Variants in PEBP4 observed in about 807,000 individuals in gnomAD.
PEBP4 encodes phosphatidylethanolamine-binding protein 4.
A neutral mutation model predicts 23.9 loss-of-function variants in PEBP4; 22 were observed. The observed-to-expected ratio is 0.92, with a 90% CI of 0.66 to 1.31. The LOEUF is 1.31. Ranked by LOEUF, PEBP4 falls within the 40% of genes most tolerant of loss-of-function variation. The probability of loss-of-function intolerance (pLI) is 0.00; values close to 1 mark genes in which losing one functional copy is unlikely to be tolerated. For missense variants in PEBP4, 324 were observed against 281.7 expected (o/e 1.15, Z -1.07); for synonymous variants, 112 against 99.3 (o/e 1.13, Z -0.76).
At chr8:22,901,663 C>T (rs925564138) in intron 3 of PEBP4, among the ~76,000 whole-genome samples, 2 of 152,164 alleles carry the variant, frequency 1.3e-5, no homozygotes, top group Admixed American at 6.5e-5. Context: ...CAAAGGATCC[C>T]GGGCTGGGGG....
At chr8:22,799,314 C>A (rs1219706282) in intron 4 of PEBP4, among the ~76,000 whole-genome samples, 1 of 152,180 alleles carries the variant, frequency 6.6e-6, no homozygotes, top group Non-Finnish European at 1.5e-5. Context: ...GAGTTTGGGG[C>A]TTAAACCAGT....
At chr8:22,852,057 T>C (rs781036930) in intron 3 of PEBP4, among the ~76,000 whole-genome samples, 2 of 151,940 alleles carry the variant, frequency 1.3e-5, no homozygotes, top group Non-Finnish European at 2.9e-5. Context: ...CCGGAGAGAA[T>C]AGGGCACCAT....
intron 4 of PEBP4, among the ~76,000 whole-genome samples, chr8:22,784,411 T>A (rs1805987360): frequency 6.6e-6 from 1 of 152,040 alleles, no homozygotes. Flanking sequence ...TGCAGTTGCT[T>A]TTACAATTTG....
intron 4 of PEBP4, among the ~76,000 whole-genome samples, chr8:22,801,864 A>T (rs1036392617): frequency 6.6e-6 from 1 of 152,100 alleles, no homozygotes; most frequent in Non-Finnish European, 1.5e-5. Context: ...TCTTAAGGTT[A>T]ATAAGGCTCA....
chr8:22,918,885 G>A (rs1043417962), intron 3 of PEBP4, among the ~76,000 whole-genome samples: 6 of 152,116 alleles, frequency 3.9e-5, no homozygotes, highest in African/African-American at 1.4e-4. Flanking sequence ...CAGGGAAGAG[G>A]GCTGACGCTG....
At chr8:22,826,272 C>T (rs928686306) in intron 3 of PEBP4, among the ~76,000 whole-genome samples, 1 of 152,208 alleles carries the variant, frequency 6.6e-6, no homozygotes, top group African/African-American at 2.4e-5. Flanking sequence ...AAAGACACTG[C>T]ACATCTTGAA....
intron 3 of PEBP4, among the ~76,000 whole-genome samples, chr8:22,912,932 C>T (rs778450903): frequency 5.3e-5 from 8 of 152,324 alleles, no homozygotes; most frequent in African/African-American, 9.6e-5. Context: ...CACCTGGCTC[C>T]GCCTGTTAGC....
intron 3 of PEBP4, among the ~76,000 whole-genome samples, chr8:22,858,658 T>A (rs535010816): frequency 6.6e-6 from 1 of 152,260 alleles, no homozygotes; most frequent in South Asian, 2.1e-4. Flanking sequence ...GTTAGATAAA[T>A]AACAGAGGCT....
chr8:22,940,147 G>C (rs887048910), intron 1 of PEBP4, among the ~76,000 whole-genome samples: 2 of 152,190 alleles, frequency 1.3e-5, no homozygotes, highest in Non-Finnish European at 2.9e-5. Flanking sequence ...CAGGGACAGA[G>C]TCAATCTCTG....
rs113831537 is a variant in PEBP4, at chr8:22,733,771, G to A, written c.358-6551C>T. 3.6e-3 allele frequency among the ~76,000 whole-genome samples: 476 copies of A among 133,558 alleles called. 4 individuals carry two copies. Among genetic ancestry groups the A allele is most frequent in the African/African-American group, 0.012 (451 of 37,648 alleles). The allele number at this position is 133,558 out of a possible 152,430, so 87.6% of individuals were successfully genotyped here. A position where few individuals can be genotyped will look rare whatever the true frequency, so the allele number is the denominator to read the frequency against. On this transcript the variant is annotated intron_variant, in intron 4 of 6. Coordinates refer to ENST00000256404, the MANE Select transcript of PEBP4 (RefSeq NM_144962.3). ...TTGCTTTTTGATCTCTGGGTGAAAT[G>A]TAGGGGTGGGGATGGGGGGTTTGGG... is the stretch of plus-strand genomic sequence containing the variant.
intron 3 of PEBP4, among the ~76,000 whole-genome samples, chr8:22,903,843 A>T (rs1399963354): frequency 6.6e-6 from 1 of 152,218 alleles, no homozygotes; most frequent in Admixed American, 6.5e-5. Context: ...CTTCCAGGGC[A>T]TCCTCTTTGA....
At chr8:22,736,357 C>T (rs1292349655) in intron 4 of PEBP4, among the ~76,000 whole-genome samples, 1 of 152,140 alleles carries the variant, frequency 6.6e-6, no homozygotes, top group East Asian at 1.9e-4. Flanking sequence ...GTAATCCCAG[C>T]AGTTTGGGAG....
chr8:22,815,017 G>C (rs1408134751), intron 4 of PEBP4: 1 of 152,112 alleles, frequency 6.6e-6, no homozygotes, highest in Non-Finnish European at 1.5e-5. Flanking sequence ...GGCAGGAAAG[G>C]CATGTGACTT....
chr8:22,940,809 G>A (rs562584511), intron 1 of PEBP4, among the ~76,000 whole-genome samples: 13 of 152,240 alleles, frequency 8.5e-5, no homozygotes, highest in African/African-American at 3.1e-4. Context: ...ATTTCTAATA[G>A]CTCCCTAGGC....
At chr8:22,877,323 C>T (rs973656475) in intron 3 of PEBP4, among the ~76,000 whole-genome samples, 10 of 152,170 alleles carry the variant, frequency 6.6e-5, no homozygotes, top group African/African-American at 9.7e-5. Context: ...TGAATCAAAA[C>T]GTCAGGTCCA....
chr8:22,826,888 A>G (rs889445130), intron 3 of PEBP4, among the ~76,000 whole-genome samples: 1 of 152,218 alleles, frequency 6.6e-6, no homozygotes, highest in Non-Finnish European at 1.5e-5. Flanking sequence ...AACCAAACTT[A>G]TAAAATAACG....
intron 4 of PEBP4, among the ~76,000 whole-genome samples, chr8:22,750,390 G>A (rs760320461): frequency 1.3e-5 from 2 of 152,210 alleles, no homozygotes; most frequent in African/African-American, 2.4e-5. Flanking sequence ...GTGAGCCACC[G>A]CGCCCAGCCA....
chr8:22,784,843 T>G (rs1260762418), intron 4 of PEBP4, among the ~76,000 whole-genome samples: 1 of 152,204 alleles, frequency 6.6e-6, no homozygotes, highest in Non-Finnish European at 1.5e-5. Flanking sequence ...CCTCCCTTCC[T>G]TCGAGGTTAC....
chr8:22,833,494 G>T (rs892126027), intron 3 of PEBP4, among the ~76,000 whole-genome samples: 40 of 152,314 alleles, frequency 2.6e-4, no homozygotes, highest in Admixed American at 1.5e-3. Context: ...ACCACGCCCA[G>T]CTGATGTTTG....
Sources: gnomAD v4.1 joint callset for allele counts (sites outside exome capture counted in the v4.1 genomes callset) on GRCh38, gnomAD v4.1.1 for gene constraint, MANE v1.5 for transcripts, NCBI Gene and HGNC (gene_info 2026-07-23, HGNC 2026-07-21) for gene names.